Variants in NTM observed in about 807,000 individuals in gnomAD.
The protein encoded by NTM is IgLON family member 2.
A neutral mutation model predicts 42.1 loss-of-function variants in NTM; 13 were observed. The observed-to-expected ratio is 0.31, with a 90% CI of 0.20 to 0.49. The LOEUF (loss-of-function observed/expected upper bound fraction) is 0.49. NTM is among the 20% of genes least tolerant of loss of function. The pLI is 0.99. For synonymous variants in NTM, 187 were observed against 179.2 expected (o/e 1.04, Z -0.35); for missense variants, 373 against 452.8 (o/e 0.82, Z 1.60).
intron 7 of NTM, 69 bp downstream of exon 7, chr11:132,314,772 G>A: frequency 1.3e-6 from 2 of 1,498,070 alleles, no homozygotes; most frequent in Admixed American, 2.2e-5. Context: ...GGGTGGGAGG[G>A]CCCCTCAAGG....
chr11:131,890,313 G>T (rs2051118403), intron 1 of NTM, among the ~76,000 whole-genome samples: 1 of 152,120 alleles, frequency 6.6e-6, no homozygotes, highest in Non-Finnish European at 1.5e-5. Context: ...ATCTACAAAT[G>T]CTGCTAGGGC....
chr11:132,071,880 G>GT (rs1478702659), intron 2 of NTM, among the ~76,000 whole-genome samples: 2 of 152,090 alleles, frequency 1.3e-5, no homozygotes, highest in Non-Finnish European at 2.9e-5. Context: ...CCTGTATTAG[G>GT]AGTCCTTGAC....
At chr11:132,160,295 A>G (rs1456295475) in intron 3 of NTM, among the ~76,000 whole-genome samples, 2 of 152,182 alleles carry the variant, frequency 1.3e-5, no homozygotes, top group African/African-American at 4.8e-5. Context: ...GTCTGGTAGC[A>G]CAGGTGACAG....
intron 1 of NTM, among the ~76,000 whole-genome samples, chr11:131,749,376 G>A (rs948005432): frequency 1.3e-5 from 2 of 152,202 alleles, no homozygotes; most frequent in African/African-American, 2.4e-5. Context: ...CTTACAAAGT[G>A]CTCAGAGCTG....
chr11:132,259,869 C>T (rs1296226759), intron 4 of NTM, among the ~76,000 whole-genome samples: 1 of 151,922 alleles, frequency 6.6e-6, no homozygotes, highest in African/African-American at 2.4e-5. Context: ...CTGCCTCAGC[C>T]TGCCAAGAAG....
At chr11:131,551,855 T>A (rs2054709201) in intron 1 of NTM, among the ~76,000 whole-genome samples, 1 of 152,146 alleles carries the variant, frequency 6.6e-6, no homozygotes, top group East Asian at 1.9e-4. Flanking sequence ...AATTCCTTTT[T>A]GAGGTGAAAC....
intron 1 of NTM, among the ~76,000 whole-genome samples, chr11:131,889,318 C>T (rs2050878273): frequency 6.6e-6 from 1 of 152,158 alleles, no homozygotes; most frequent in Non-Finnish European, 1.5e-5. Context: ...CTCACAGCCT[C>T]CTTCCTTTTA....
At chr11:132,056,799 A>T (rs910015090) in intron 2 of NTM, among the ~76,000 whole-genome samples, 21 of 152,172 alleles carry the variant, frequency 1.4e-4, no homozygotes, top group Non-Finnish European at 1.8e-4. Flanking sequence ...GATGATCCTC[A>T]ACCTTTGTAT....
Position 131,440,844 on chromosome 11 carries a change from A to G in NTM, c.82+69956A>G, listed in dbSNP as rs961956856. Among the ~76,000 whole-genome samples the G allele has an allele frequency of 1.5e-3, 184 of 119,376 alleles. 2 individuals carry two copies. The highest frequency in any genetic ancestry group is 5.1e-3 in the African/African-American group (180 of 35,042). The allele number at this position is 119,376 out of a possible 152,430, so 78.3% of individuals were successfully genotyped here. ...AAAAAAAAAAAAAAAAAAAAAAAAA[A>G]AAAAAAAAAAAAAAAAAAAATTCAT... On this transcript the variant is annotated intron_variant, in intron 1 of 8. Coordinates refer to ENST00000683400, the MANE Select transcript of NTM (RefSeq NM_001352005.2).
intron 2 of NTM, among the ~76,000 whole-genome samples, chr11:132,142,485 T>C (rs2069385140): frequency 6.6e-6 from 1 of 152,172 alleles, no homozygotes; most frequent in Non-Finnish European, 1.5e-5. Context: ...ATTATGCTCA[T>C]TTTCACTTTT....
At chr11:132,058,766 G>T (rs546067123) in intron 2 of NTM, among the ~76,000 whole-genome samples, 1 of 152,164 alleles carries the variant, frequency 6.6e-6, no homozygotes. Flanking sequence ...AGAACATCAC[G>T]AAACCAATAG....
intron 2 of NTM, among the ~76,000 whole-genome samples, chr11:132,088,992 C>G (rs1314368351): frequency 6.6e-6 from 1 of 152,028 alleles, no homozygotes; most frequent in Non-Finnish European, 1.5e-5. Flanking sequence ...TAATGATTTC[C>G]CATTGAAACT....
At chr11:131,427,725 C>A (rs959736686) in intron 1 of NTM, among the ~76,000 whole-genome samples, 1 of 152,192 alleles carries the variant, frequency 6.6e-6, no homozygotes, top group African/African-American at 2.4e-5. Context: ...GGACATGTGT[C>A]AAGGTCAACC....
intron 3 of NTM, among the ~76,000 whole-genome samples, chr11:132,179,348 G>A (rs1290784961): frequency 6.6e-6 from 1 of 152,144 alleles, no homozygotes; most frequent in African/African-American, 2.4e-5. Context: ...AGAGGGGCAG[G>A]ACACAGATCT....
chr11:132,334,462 G>A (rs2136507531), intron 8 of NTM, among the ~76,000 whole-genome samples: 1 of 152,362 alleles, frequency 6.6e-6, no homozygotes, highest in East Asian at 1.9e-4. Flanking sequence ...CCATCCAGAT[G>A]GGGAAGAGGT....
chr11:131,952,341 A>G (rs774231826), intron 2 of NTM, among the ~76,000 whole-genome samples: 1 of 152,202 alleles, frequency 6.6e-6, no homozygotes, highest in Non-Finnish European at 1.5e-5. Flanking sequence ...CAGGAACTCT[A>G]TAGTCATCTA....
intron 1 of NTM, among the ~76,000 whole-genome samples, chr11:131,419,770 T>C (rs977683727): frequency 6.6e-6 from 1 of 152,174 alleles, no homozygotes; most frequent in South Asian, 2.1e-4. Flanking sequence ...TGAGCTGCTG[T>C]GCCCAGAGGA....
chr11:131,442,383 A>G (rs768592489), intron 1 of NTM, among the ~76,000 whole-genome samples: 5 of 152,228 alleles, frequency 3.3e-5, no homozygotes, highest in Non-Finnish European at 5.9e-5. Context: ...GCAATACAAC[A>G]GAGGGGACAT....
chr11:131,490,693 G>A (rs1394051973), intron 1 of NTM, among the ~76,000 whole-genome samples: 1 of 152,192 alleles, frequency 6.6e-6, no homozygotes, highest in East Asian at 1.9e-4. Flanking sequence ...TAGTCACCTG[G>A]TCATGTTTTG....
Sources: allele counts gnomAD v4.1 joint callset (sites outside exome capture counted in the v4.1 genomes callset), GRCh38; gene constraint gnomAD v4.1.1; transcripts MANE v1.5; gene names NCBI Gene and HGNC (gene_info 2026-07-23, HGNC 2026-07-21).